Variants in CACNA1E observed in about 807,000 individuals in gnomAD.
CACNA1E encodes calcium voltage-gated channel subunit alpha1 E.
Under a neutral mutation model 259.2 loss-of-function variants are expected in CACNA1E, and 40 were observed. The observed-to-expected ratio is 0.15, with a 90% CI of 0.12 to 0.20. CACNA1E has a LOEUF of 0.20. Ranked by LOEUF, CACNA1E falls within the 10% of genes least tolerant of loss-of-function variation. The pLI is 1.00. For synonymous variants in CACNA1E, 1,104 were observed against 1,138.5 expected (o/e 0.97, Z 0.61); for missense variants, 1,874 against 3,040.1 (o/e 0.62, Z 9.02).
intron 6 of CACNA1E, among the ~76,000 whole-genome samples, chr1:181,649,780 C>T (rs1442886964): frequency 2.0e-5 from 3 of 152,026 alleles, no homozygotes; most frequent in African/African-American, 7.2e-5. Flanking sequence ...CATGTTCTCA[C>T]TTATAGGTGG....
chr1:181,343,371 C>G (rs1652324498), intron 1 of CACNA1E, among the ~76,000 whole-genome samples: 1 of 152,092 alleles, frequency 6.6e-6, no homozygotes, highest in African/African-American at 2.4e-5. Context: ...GTGCTGTCCT[C>G]ATGATAATGA....
chr1:181,331,325 G>A (rs942903992), intron 1 of CACNA1E, among the ~76,000 whole-genome samples: 1 of 152,114 alleles, frequency 6.6e-6, no homozygotes, highest in Admixed American at 6.5e-5. Flanking sequence ...GCCCATCACA[G>A]GCCATTTGTA....
chr1:181,387,909 G>A (rs1655965805), intron 1 of CACNA1E, among the ~76,000 whole-genome samples: 1 of 152,128 alleles, frequency 6.6e-6, no homozygotes, highest in Non-Finnish European at 1.5e-5. Flanking sequence ...TCCCTAGGTT[G>A]AGCTAAAATC....
rs147832215 is a variant in CACNA1E at position 181,609,128 on chromosome 1, G to A, written c.951+28352G>A. On this transcript the variant is annotated intron_variant, in intron 6 of 47. Transcript: ENST00000367573. ...GCTTTGCCCAGCAGGGCTACCTCCC[G>A]CCAGTCTCTACCTTTGTTGTAATGC... is the stretch of plus-strand genomic sequence containing the variant. Among the ~76,000 whole-genome samples the A allele has an allele frequency of 5.6e-4, 85 of 152,276 alleles. 1 individual carries two copies. The highest frequency in any genetic ancestry group is 1.9e-3 in the African/African-American group (79 of 41,546).
At chr1:181,526,169 A>G (rs764541637) in intron 3 of CACNA1E, among the ~76,000 whole-genome samples, 26 of 152,136 alleles carry the variant, frequency 1.7e-4, no homozygotes, top group Non-Finnish European at 3.1e-4. Flanking sequence ...CACTGCATTA[A>G]ACATTTCAAA....
intron 32 of CACNA1E, among the ~76,000 whole-genome samples, chr1:181,760,915 C>CCTAG (rs1658525409): frequency 6.6e-6 from 1 of 152,200 alleles, no homozygotes; most frequent in Admixed American, 6.5e-5. Flanking sequence ...TCCTCTGAGA[C>CCTAG]CTAGATCCAT....
intron 7 of CACNA1E, among the ~76,000 whole-genome samples, chr1:181,702,134 G>C (rs534267475): frequency 2.1e-4 from 32 of 152,044 alleles, no homozygotes; most frequent in Non-Finnish European, 4.0e-4. Flanking sequence ...ATACACAGCT[G>C]AATTCCTGAT....
At chr1:181,505,490 G>C (rs2102590101) in intron 1 of CACNA1E, among the ~76,000 whole-genome samples, 1 of 152,154 alleles carries the variant, frequency 6.6e-6, no homozygotes, top group East Asian at 1.9e-4. Context: ...TCCTGCCTCA[G>C]CCTCCTGAGT....
At chr1:181,729,177 A>C (rs1176263731) in intron 18 of CACNA1E, among the ~76,000 whole-genome samples, 39 of 132,518 alleles carry the variant, frequency 2.9e-4, no homozygotes, top group African/African-American at 7.2e-4. Flanking sequence ...GTGTGTGTGC[A>C]CTGCTCAGGT....
chr1:181,685,735 C>T (rs539707145), intron 7 of CACNA1E, among the ~76,000 whole-genome samples: 6 of 152,314 alleles, frequency 3.9e-5, no homozygotes, highest in Admixed American at 2.6e-4. Flanking sequence ...AAGGCACACT[C>T]TCAAACTTTG....
At chr1:181,418,751 C>T (rs920772284) in intron 2 of CACNA1E, among the ~76,000 whole-genome samples, 2 of 152,020 alleles carry the variant, frequency 1.3e-5, no homozygotes, top group African/African-American at 4.8e-5. Context: ...TGCCAATCCC[C>T]AGTGTCTCCC....
In CACNA1E at chr1:181,806,598, C is replaced by G. The variant is rs1662643684; in HGVS notation, c.*7764C>G. The G allele has an allele frequency of 6.6e-6, 1 of 152,198 alleles. No homozygotes were observed. 9.4% of individuals were successfully genotyped at this position (152,198 alleles called of 1,614,324 possible). A position where few individuals can be genotyped will look rare whatever the true frequency, so the allele number is the denominator to read the frequency against. On this transcript the variant is annotated 3_prime_UTR_variant, in exon 48 of 48. Coordinates refer to ENST00000367573, the MANE Select transcript of CACNA1E (RefSeq NM_001205293.3). ...TGAATGGCAGCTGATGCTGGCCCAC[C>G]CAGAGTATCGGTGCATCTCTCCTAA...
chr1:181,542,106 A>G (rs1444378174), intron 3 of CACNA1E, among the ~76,000 whole-genome samples: 1 of 152,192 alleles, frequency 6.6e-6, no homozygotes, highest in Non-Finnish European at 1.5e-5. Context: ...TGCCAAAGCC[A>G]TGAGTAAGCC....
intron 1 of CACNA1E, among the ~76,000 whole-genome samples, chr1:181,502,687 T>A (rs1433737686): frequency 3.3e-5 from 5 of 152,100 alleles, no homozygotes; most frequent in Admixed American, 3.3e-4. Flanking sequence ...TTTTGCTTGC[T>A]TGTTCTTTTT....
intron 2 of CACNA1E, among the ~76,000 whole-genome samples, chr1:181,433,484 T>C (rs1243219795): frequency 6.6e-6 from 1 of 152,174 alleles, no homozygotes; most frequent in African/African-American, 2.4e-5. Context: ...TTCAACCACT[T>C]AAAAATGTAA....
chr1:181,322,553 T>C (rs1454596031), intron 1 of CACNA1E, among the ~76,000 whole-genome samples: 1 of 152,238 alleles, frequency 6.6e-6, no homozygotes, highest in East Asian at 1.9e-4. Flanking sequence ...TTTCTCATTG[T>C]AACCTGGAAA....
chr1:181,715,272 G>A, intron 8 of CACNA1E, 66 bp from the exon 9 acceptor site: 3 of 969,244 alleles, frequency 3.1e-6, no homozygotes, highest in Non-Finnish European at 4.9e-6. Flanking sequence ...GTCCCTGAGG[G>A]ATTTTAATCT....
At chr1:181,708,962 A>G (rs938447995) in intron 7 of CACNA1E, among the ~76,000 whole-genome samples, 1 of 152,128 alleles carries the variant, frequency 6.6e-6, no homozygotes, top group Non-Finnish European at 1.5e-5. Flanking sequence ...GAGGAGAAAG[A>G]GACAGGAGGT....
intron 6 of CACNA1E, among the ~76,000 whole-genome samples, chr1:181,605,834 G>C (rs1204069505): frequency 6.6e-6 from 1 of 152,198 alleles, no homozygotes; most frequent in Non-Finnish European, 1.5e-5. Context: ...TACATGGTAG[G>C]TATTTGTCCA....
Sources: allele counts gnomAD v4.1 joint callset (sites outside exome capture counted in the v4.1 genomes callset), GRCh38; gene constraint gnomAD v4.1.1; transcripts MANE v1.5; gene names NCBI Gene and HGNC (gene_info 2026-07-23, HGNC 2026-07-21).